Variants in MYT1 observed in about 807,000 individuals in gnomAD.
MYT1 encodes myelin transcription factor I.
Under a neutral mutation model 123.0 loss-of-function variants are expected in MYT1, and 23 were observed. The observed-to-expected ratio is 0.19, with a 90% CI of 0.13 to 0.26. MYT1 has a LOEUF of 0.26. Among genes scored for constraint, MYT1 ranks in the 10% least tolerant of loss-of-function variants. The pLI is 1.00. For missense variants in MYT1, 1,125 were observed against 1,472.5 expected (o/e 0.76, Z 3.86); for synonymous variants, 518 against 575.3 (o/e 0.90, Z 1.43).
chr20:64,212,059 C>T lies in MYT1; in HGVS notation c.1438C>T (p.His480Tyr), dbSNP rs369508556. 21 of 1,613,576 alleles carry T rather than the reference C, an allele frequency of 1.3e-5. No homozygotes were observed. The highest frequency in any genetic ancestry group is 1.5e-5 in the Non-Finnish European group (18 of 1,179,728). Reference protein sequence around the residue: ...DRIPPEILAMHENVLKCPTPG... With the variant: ...DRIPPEILAMYENVLKCPTPG... The stretch of plus-strand genomic sequence containing the variant: ...CTGTTCTCTTACAGTCTTAGCCATG[C>T]ATGAGAACGTGCTGAAGTGCCCCAC... The change falls in exon 9 of 23, where the codon CAT becomes TAT. Residue 480 changes from histidine (H) to tyrosine (Y), a missense_variant. By Grantham distance (83) the His-to-Tyr change is moderately conservative. This residue lies in a region of MYT1 where 429 missense variants were observed against 604.1 expected (regional missense o/e 0.71). Transcript: ENST00000328439. This position sits in a 1 kb window ranked among gnomAD's most constrained non-coding sequence, Gnocchi z 6.8.
In MYT1 at chr20:64,199,596, A is replaced by T. The variant is rs531777661; in HGVS notation, c.56-296A>T. Among the ~76,000 whole-genome samples the T allele has an allele frequency of 1.4e-4, 21 of 152,254 alleles. No individual in the cohort carries two copies. The East Asian group carries it at 4.1e-3, about 29-fold the overall frequency. On this transcript the variant is annotated intron_variant, in intron 3 of 22. Transcript: ENST00000328439. ...CATCCCTGGCCCTGAGGTCCCAGAG[A>T]TCCTGTCTGAGGTGGAGCATCTGTC...
At chr20:64,198,286 C>CAAAAAAA (rs34822167) in intron 2 of MYT1, among the ~76,000 whole-genome samples, 412 of 23,818 alleles carry the variant, frequency 0.017, 48 homozygotes, top group African/African-American at 0.044. Context: ...GACTCCGTCT[C>CAAAAAAA]AAAAAAAAAA....
chr20:64,204,613 G>T (rs1050270551), intron 4 of MYT1, among the ~76,000 whole-genome samples: 5 of 152,200 alleles, frequency 3.3e-5, no homozygotes, highest in Non-Finnish European at 7.3e-5. Context: ...TGTTACCCTC[G>T]AGGGCCATAG....
intron 15 of MYT1, 44 bp downstream of exon 15, chr20:64,223,217 TG>T: frequency 1.2e-6 from 2 of 1,613,814 alleles, no homozygotes; most frequent in Non-Finnish European, 1.7e-6. Flanking sequence ...TGCTTCGTGG[TG>T]GGTCTTCCTC....
At chr20:64,228,134 C>T (rs967946924) in intron 18 of MYT1, 163 bp downstream of exon 18, 10 of 669,978 alleles carry the variant, frequency 1.5e-5, no homozygotes, top group Non-Finnish European at 2.6e-5. Context: ...TGGAAGCTCT[C>T]ATACGCTACA....
intron 1 of MYT1, among the ~76,000 whole-genome samples, chr20:64,178,935 C>T (rs77313337): frequency 7.5e-6 from 1 of 132,990 alleles, no homozygotes; most frequent in Non-Finnish European, 1.6e-5. Context: ...AGCCGTTATT[C>T]AGTGGGATAC....
Position 64,186,854 on chromosome 20 carries a change from A to C in MYT1, c.-98-3209A>C, listed in dbSNP as rs563132009. ...GTTTCCGTGGAGAGTTTCCTGTAGC[A>C]CGTGGCTCCGGCATCCACGTTTCCG... On this transcript the variant is annotated intron_variant, in intron 1 of 22. Coordinates refer to ENST00000328439, the MANE Select transcript of MYT1 (RefSeq NM_004535.3). The surrounding 1 kb of genome is among the most constrained non-coding windows in gnomAD (Gnocchi z 4.3). Among the ~76,000 whole-genome samples the C allele has an allele frequency of 9.9e-4, 105 of 106,572 alleles. No individual in the cohort carries two copies. Among genetic ancestry groups the C allele is most frequent in the African/African-American group, 3.0e-3 (80 of 26,822 alleles). The allele number at this position is 106,572 out of a possible 152,430, so 69.9% of individuals were successfully genotyped here.
intron 20 of MYT1, among the ~76,000 whole-genome samples, 198 bp downstream of exon 20, chr20:64,236,844 G>C (rs1984568448): frequency 6.6e-6 from 1 of 152,100 alleles, no homozygotes; most frequent in African/African-American, 2.4e-5. Context: ...CCTGTGTCTG[G>C]GGTCCCTGGC....
intron 2 of MYT1, among the ~76,000 whole-genome samples, chr20:64,198,623 G>A (rs1983201782): frequency 6.6e-6 from 1 of 152,222 alleles, no homozygotes; most frequent in South Asian, 2.1e-4. Flanking sequence ...GCCAAGGCCG[G>A]GGACATGCTG....
chr20:64,223,587 T>G (rs945595966), intron 16 of MYT1, among the ~76,000 whole-genome samples: 2 of 152,092 alleles, frequency 1.3e-5, no homozygotes, highest in Non-Finnish European at 2.9e-5. Flanking sequence ...GCCTCTCCGC[T>G]GGGGGCTAGG....
Position 64,213,563 on chromosome 20 carries a change from A to G in MYT1, c.1547A>G (p.Glu516Gly), listed in dbSNP as rs1040276405. Residue 516 changes from glutamate to glycine, a missense_variant, in exon 10 of 23, where the codon GAA becomes GGA. Transcript: ENST00000328439. This position sits in a 1 kb window ranked among gnomAD's most constrained non-coding sequence, Gnocchi z 5.6. ...SLSGCPIAAAEKLAKSHEKQQ... is the reference protein window; with the variant it reads ...SLSGCPIAAAGKLAKSHEKQQ... ...TCTGGGTGTCCCATTGCTGCCGCCGAAAAATTAGCCAAATCCCATGAGAAG... is the reference window on the plus strand; with the variant it reads ...TCTGGGTGTCCCATTGCTGCCGCCGGAAAATTAGCCAAATCCCATGAGAAG... 6.2e-7 allele frequency: 1 copy of G among 1,614,064 alleles called. No individual in the cohort carries two copies. Among genetic ancestry groups the G allele is most frequent in the African/African-American group, 1.3e-5 (1 of 75,004 alleles).
Position 64,221,996 on chromosome 20 carries a change from C to G in MYT1, c.2345C>G (p.Thr782Ser), listed in dbSNP as rs78568430. The change falls in exon 14 of 23, where the codon ACC (threonine) becomes AGC (serine). Residue 782 changes from threonine (T) to serine (S), a missense_variant. Around this residue, in one of 4 missense-constraint regions of MYT1, gnomAD observed 429 missense variants for 604.1 expected, o/e 0.71. Transcript: ENST00000328439. ...AAGTATCCGGGGGAAGTCACCCTGA[C>G]CAACTTTAAGCTGAAGTTTCTCTCC... is the stretch of plus-strand genomic sequence containing the variant. ...ERKYPGEVTL[T>S]NFKLKFLSKD... The G allele has an allele frequency of 0.016, 25,141 of 1,613,482 alleles. 308 individuals are homozygous for G. The highest frequency in any genetic ancestry group is 0.016 in the Non-Finnish European group (18,427 of 1,179,998).
At chr20:64,184,248 T>A (rs1242395553) in intron 1 of MYT1, among the ~76,000 whole-genome samples, 2 of 152,108 alleles carry the variant, frequency 1.3e-5, no homozygotes, top group Non-Finnish European at 2.9e-5. Flanking sequence ...GTCGGAAAGA[T>A]TTACCGCGGT....
At position 64,236,121 on chromosome 20, in the gene MYT1, T is replaced by C. The variant is rs113826634; in HGVS notation, c.2898-434T>C. ...CCGTGGTGGGTGACCCTGGGCTGGC[T>C]GTGGTGGGTGACCCTGGGATGGTCG... On this transcript the variant is annotated intron_variant, in intron 19 of 22. Transcript: ENST00000328439. Among the ~76,000 whole-genome samples the C allele has an allele frequency of 6.6e-3, 176 of 26,544 alleles. 3 individuals are homozygous for C. The highest frequency in any genetic ancestry group is 0.043 in the East Asian group (50 of 1,170). The allele number at this position is 26,544 out of a possible 152,430, so 17.4% of individuals were successfully genotyped here.
In MYT1 at chr20:64,203,108, G is replaced by A. The variant is rs973740833; in HGVS notation, c.87-1927G>A. Among the ~76,000 whole-genome samples the A allele has an allele frequency of 8.5e-5, 13 of 152,166 alleles. No individual in the cohort carries two copies. Among genetic ancestry groups the A allele is most frequent in the South Asian group, 4.1e-4 (2 of 4,822 alleles). On this transcript the variant is annotated intron_variant, in intron 4 of 22. Coordinates refer to ENST00000328439, the MANE Select transcript of MYT1 (RefSeq NM_004535.3). This position sits in a 1 kb window ranked among gnomAD's most constrained non-coding sequence, Gnocchi z 5.1. ...TTCCTGTCCCCGAGCGGCCTTGTCCGCTCCACGCACTTGGGCTCACAGCCG... is the reference window on the plus strand; with the variant it reads ...TTCCTGTCCCCGAGCGGCCTTGTCCACTCCACGCACTTGGGCTCACAGCCG...
rs557291044 is a variant in MYT1, at chr20:64,242,143, C to T, written c.*1695C>T. 6 of 152,750 alleles carry T rather than the reference C, an allele frequency of 3.9e-5. No individual in the cohort carries two copies. In the East Asian group the frequency reaches 5.8e-4, roughly 15 times the overall value. 9.5% of individuals were successfully genotyped at this position (152,750 alleles called of 1,614,324 possible). A position where few individuals can be genotyped will look rare whatever the true frequency, so the allele number is the denominator to read the frequency against. The stretch of plus-strand genomic sequence containing the variant: ...TCACAGGCTGTGCCACCCGTCCCTC[C>T]GACAGCTCCAATACTGTGACCCTCC... On this transcript the variant is annotated 3_prime_UTR_variant, in exon 23 of 23. Coordinates refer to ENST00000328439, the MANE Select transcript of MYT1 (RefSeq NM_004535.3).
intron 1 of MYT1, among the ~76,000 whole-genome samples, chr20:64,170,884 T>TATATATAGAGAGAG (rs1569303821): frequency 1.5e-4 from 3 of 20,010 alleles, no homozygotes; most frequent in Non-Finnish European, 1.6e-4. Context: ...TATATATATA[T>TATATATAGAGAGAG]AGAGAGAGAG....
At chr20:64,182,519 G>T (rs962236892) in intron 1 of MYT1, among the ~76,000 whole-genome samples, 3 of 152,242 alleles carry the variant, frequency 2.0e-5, no homozygotes, top group Admixed American at 6.5e-5. Context: ...GCAGAGGCAG[G>T]TCGCCTTCCT....
At chr20:64,236,291 C>T (rs1350064703) in intron 19 of MYT1, among the ~76,000 whole-genome samples, 105 of 54,068 alleles carry the variant, frequency 1.9e-3, no homozygotes, top group African/African-American at 3.3e-3. Context: ...GGGCTGGCCG[C>T]GGTGGGTGAC....
Sources: gnomAD v4.1 joint callset for allele counts (sites outside exome capture counted in the v4.1 genomes callset) on GRCh38, gnomAD v4.1.1 for gene constraint, gnomAD v4.1.1 regional missense constraint, Gnocchi (gnomAD v3.1) non-coding constraint, MANE v1.5 for transcripts, NCBI Gene and HGNC (gene_info 2026-07-23, HGNC 2026-07-21) for gene names.